Variants in SEMA5B observed in about 807,000 individuals in gnomAD.
SEMA5B encodes the protein semaphorin 5B, also known as semaphorin-5B.
SEMA5B carries 66 observed loss-of-function variants against 135.0 expected under a neutral mutation model. The observed-to-expected ratio is 0.49, with a 90% CI of 0.40 to 0.60. The LOEUF (loss-of-function observed/expected upper bound fraction) is 0.60, where lower values mean the gene tolerates loss of function less well. Ranked by LOEUF, SEMA5B falls within the 20% of genes least tolerant of loss-of-function variation. The pLI, the probability that SEMA5B is intolerant of heterozygous loss-of-function variation, is 0.00. For synonymous variants in SEMA5B, 690 were observed against 639.5 expected (o/e 1.08, Z -1.19); for missense variants, 1,501 against 1,566.3 (o/e 0.96, Z 0.70).
intron 1 of SEMA5B, among the ~76,000 whole-genome samples, chr3:123,003,054 G>A (rs1283505101): frequency 6.6e-6 from 1 of 151,952 alleles, no homozygotes; most frequent in Non-Finnish European, 1.5e-5. Flanking sequence ...ACCAAGAAGG[G>A]GAAAGCACGC....
intron 5 of SEMA5B, among the ~76,000 whole-genome samples, chr3:122,932,858 A>G (rs900089939): frequency 6.6e-6 from 1 of 152,120 alleles, no homozygotes; most frequent in Non-Finnish European, 1.5e-5. Context: ...AGCTGGGAAC[A>G]CAAGTGCACA....
intron 2 of SEMA5B, among the ~76,000 whole-genome samples, chr3:122,952,087 C>T (rs1940075023): frequency 6.6e-6 from 1 of 152,196 alleles, no homozygotes; most frequent in African/African-American, 2.4e-5. Flanking sequence ...TTTTTGATCC[C>T]CTTATCCTCA....
intron 4 of SEMA5B, among the ~76,000 whole-genome samples, chr3:122,943,142 G>T (rs2107528849): frequency 6.6e-6 from 1 of 152,302 alleles, no homozygotes; most frequent in South Asian, 2.1e-4. Context: ...GCCGGGCAGG[G>T]ACCAGGCAGG....
chr3:122,979,002 G>A (rs372494657), intron 1 of SEMA5B, among the ~76,000 whole-genome samples: 5 of 152,140 alleles, frequency 3.3e-5, no homozygotes, highest in East Asian at 1.9e-4. Context: ...GTGAGCCATC[G>A]CACAGTGGCT....
chr3:122,975,228 G>C (rs976469284), intron 1 of SEMA5B: 1 of 152,562 alleles, frequency 6.6e-6, no homozygotes, highest in African/African-American at 2.4e-5. Flanking sequence ...GAGAGGCACA[G>C]CTGATCCCCT....
At chr3:122,963,203 A>C (rs1940664073) in intron 1 of SEMA5B, among the ~76,000 whole-genome samples, 1 of 152,254 alleles carries the variant, frequency 6.6e-6, no homozygotes, top group South Asian at 2.1e-4. Flanking sequence ...ATTAGAGATA[A>C]GAATCCAAAC....
chr3:122,994,973 G>T (rs746679989), intron 1 of SEMA5B, among the ~76,000 whole-genome samples: 2 of 152,174 alleles, frequency 1.3e-5, no homozygotes, highest in Non-Finnish European at 2.9e-5. Flanking sequence ...CTGCTTAAAG[G>T]GGAAGGGCCT....
chr3:122,956,799 A>G (rs993223279), intron 2 of SEMA5B, among the ~76,000 whole-genome samples: 3 of 152,114 alleles, frequency 2.0e-5, no homozygotes, highest in Non-Finnish European at 4.4e-5. Flanking sequence ...AGACAGATGC[A>G]TGGGTAGAGC....
chr3:122,933,915 T>G (rs1013076426), intron 5 of SEMA5B, among the ~76,000 whole-genome samples: 1 of 151,470 alleles, frequency 6.6e-6, no homozygotes, highest in African/African-American at 2.4e-5. Context: ...TAATTGAATT[T>G]TTTTTTCTTT....
intron 9 of SEMA5B, 87 bp from the exon 10 acceptor site, chr3:122,923,839 A>G: frequency 1.4e-6 from 2 of 1,472,924 alleles, no homozygotes; most frequent in South Asian, 1.1e-5. Context: ...GTCATGTCCA[A>G]TTCCCAAGGC....
Position 122,921,927 on chromosome 3 carries a change from T to C in SEMA5B, c.1676A>G (p.Tyr559Cys). The C allele has an allele frequency of 6.5e-7, 1 of 1,533,160 alleles. No homozygotes were observed. The highest frequency in any genetic ancestry group is 8.7e-7 in the Non-Finnish European group (1 of 1,145,154). The allele number at this position is 1,533,160 out of a possible 1,614,324, so 95.0% of individuals were successfully genotyped here. A position where few individuals can be genotyped will look rare whatever the true frequency, so the allele number is the denominator to read the frequency against. Residue 559 changes from tyrosine to cysteine, a missense_variant, in exon 12 of 23, where the codon TAC becomes TGC. By Grantham distance (194) the Tyr-to-Cys change is radical. Coordinates refer to ENST00000357599, the MANE Select transcript of SEMA5B (RefSeq NM_001031702.4). ...CGTCCCGGCTTACCCCTGGCTGCGG[T>C]AGGCGGCGCACCTCTCCAGTGGGAC... is the stretch of plus-strand genomic sequence containing the variant. Reference protein sequence around the residue: ...LRVPLERCAAYRSQGACLGAR... With the variant: ...LRVPLERCAACRSQGACLGAR...
chr3:122,968,744 C>T (rs1940983870), intron 1 of SEMA5B, among the ~76,000 whole-genome samples: 3 of 152,162 alleles, frequency 2.0e-5, no homozygotes. Context: ...ACTCCAGCCA[C>T]ATCTCTTGGT....
Position 122,943,426 on chromosome 3 carries a change from C to A in SEMA5B, c.428+10G>T. ...GCACTTCCCACCCCGACCCTTCTGC[C>A]CCTTGTTACCTGGCTCCCACGATGA... is the stretch of plus-strand genomic sequence containing the variant. On this transcript the variant is annotated intron_variant, in intron 4 of 22. Transcript: ENST00000357599. 6.3e-7 allele frequency: 1 copy of A among 1,582,732 alleles called. No homozygotes were observed. The highest frequency in any genetic ancestry group is 8.6e-7 in the Non-Finnish European group (1 of 1,160,786).
intron 21 of SEMA5B, 169 bp downstream of exon 21, chr3:122,911,322 G>A (rs764532035): frequency 6.6e-7 from 1 of 1,518,152 alleles, no homozygotes. Context: ...CCTAGCTGGG[G>A]GGGGCATGGA....
chr3:122,928,111 C>T (rs1938746248), intron 7 of SEMA5B, 108 bp from the exon 8 acceptor site: 1 of 728,132 alleles, frequency 1.4e-6, no homozygotes, highest in East Asian at 3.1e-5. Flanking sequence ...CTGGGCCTCT[C>T]CCCTCCTCCA....
At chr3:123,020,428 A>G (rs1468271675) in intron 1 of SEMA5B, among the ~76,000 whole-genome samples, 1 of 152,258 alleles carries the variant, frequency 6.6e-6, no homozygotes, top group African/African-American at 2.4e-5. Context: ...TTTTTAAGAA[A>G]AAAATGACCA....
chr3:122,973,687 G>A (rs963565540), intron 1 of SEMA5B, among the ~76,000 whole-genome samples: 1 of 152,150 alleles, frequency 6.6e-6, no homozygotes, highest in African/African-American at 2.4e-5. Flanking sequence ...GAACGATGCT[G>A]CAAACTTGGG....
rs7636822 is a variant in SEMA5B at position 122,913,069 on chromosome 3, G to A, written c.2507-8C>T. 6.2e-3 allele frequency: 9,213 copies of A among 1,494,156 alleles called. 426 individuals carry two copies. The African/African-American group carries it at 0.11, about 18-fold the overall frequency. The allele number at this position is 1,494,156 out of a possible 1,614,324, so 92.6% of individuals were successfully genotyped here. ...GGAGGACCTCCACCAGGGCTGCGGA[G>A]GGGCTAGGCCTCAGCGACTGGGCGC... On this transcript the variant is annotated splice_region_variant and splice_polypyrimidine_tract_variant and intron_variant, in intron 17 of 22. Coordinates refer to ENST00000357599, the MANE Select transcript of SEMA5B (RefSeq NM_001031702.4).
Position 122,961,164 on chromosome 3 carries a change from C to T in SEMA5B, c.100G>A (p.Gly34Ser), listed in dbSNP as rs367984637. The change falls in exon 2 of 23, where the codon GGC (glycine) becomes AGC (serine). Residue 34 changes from glycine to serine, a missense_variant. This residue lies in a region of SEMA5B where 574 missense variants were observed against 684.7 expected (regional missense o/e 0.84). Transcript: ENST00000357599. Reference protein sequence around the residue: ...QQLRCGWTVGGWLLSLVRGLL... With the variant: ...QQLRCGWTVGSWLLSLVRGLL... Reference sequence around the variant, plus strand: ...CCCCTGACCAGTGAGAGAAGCCAGCCCCCTACTGTCCATCCACACCTTAGC... The same window carrying T: ...CCCCTGACCAGTGAGAGAAGCCAGCTCCCTACTGTCCATCCACACCTTAGC... 8.7e-6 allele frequency: 14 copies of T among 1,613,164 alleles called. No homozygotes were observed. In the African/African-American group the frequency reaches 1.7e-4, roughly 20 times the overall value.
Sources: allele counts gnomAD v4.1 joint callset (sites outside exome capture counted in the v4.1 genomes callset), GRCh38; gene constraint gnomAD v4.1.1; regional missense constraint gnomAD v4.1.1; transcripts MANE v1.5; gene names NCBI Gene and HGNC (gene_info 2026-07-23, HGNC 2026-07-21).